The following SYNPR variants were observed in gnomAD, a reference collection of about 807,000 sequenced individuals.
SYNPR encodes the protein synaptoporin.
A neutral mutation model predicts 32.9 loss-of-function variants in SYNPR; 23 were observed. That is an observed-to-expected ratio of 0.70 (90% CI 0.50 to 0.99). The LOEUF (loss-of-function observed/expected upper bound fraction) is 0.99. SYNPR is among the 50% of genes least tolerant of loss of function. SYNPR has a pLI of 0.00. For missense variants in SYNPR, 318 were observed against 349.3 expected (o/e 0.91, Z 0.71); for synonymous variants, 146 against 135.9 (o/e 1.07, Z -0.52).
intron 2 of SYNPR, among the ~76,000 whole-genome samples, chr3:63,256,833 C>T (rs528031623): frequency 1.2e-4 from 18 of 152,138 alleles, no homozygotes; most frequent in East Asian, 7.7e-4. Context: ...AAAAATTAGA[C>T]GAATGGCTAA....
At chr3:63,535,325 A>G (rs1702183187) in intron 3 of SYNPR, among the ~76,000 whole-genome samples, 2 of 152,174 alleles carry the variant, frequency 1.3e-5, no homozygotes, top group Admixed American at 6.6e-5. Flanking sequence ...TTTTGTGGAT[A>G]GGAAAAAAGA....
intron 3 of SYNPR, among the ~76,000 whole-genome samples, chr3:63,487,699 G>A (rs935792): frequency 0.43 from 65,723 of 151,964 alleles, 14,253 homozygotes; most frequent in East Asian, 0.49. Flanking sequence ...GGTTGCCCTA[G>A]GATGTATTAA....
chr3:63,231,094 C>G (rs961682992), intron 1 of SYNPR, among the ~76,000 whole-genome samples: 1 of 152,114 alleles, frequency 6.6e-6, no homozygotes, highest in Non-Finnish European at 1.5e-5. Context: ...ATGGAACCAA[C>G]CTAAGTGCCC....
chr3:63,377,447 A>C (rs1252421081), intron 2 of SYNPR, among the ~76,000 whole-genome samples: 1 of 152,120 alleles, frequency 6.6e-6, no homozygotes, highest in Admixed American at 6.6e-5. Flanking sequence ...CAGCCTGGAA[A>C]GGTACAGTAA....
intron 2 of SYNPR, among the ~76,000 whole-genome samples, chr3:63,326,149 C>A (rs538331004): frequency 6.6e-6 from 1 of 152,056 alleles, no homozygotes; most frequent in Non-Finnish European, 1.5e-5. Context: ...CTTATTTGAT[C>A]TTCACAGCAC....
At chr3:63,520,199 A>G (rs1175180055) in intron 3 of SYNPR, among the ~76,000 whole-genome samples, 1 of 152,180 alleles carries the variant, frequency 6.6e-6, no homozygotes, top group African/African-American at 2.4e-5. Flanking sequence ...GCAAATAGGT[A>G]GCTTTTGTAT....
intron 2 of SYNPR, among the ~76,000 whole-genome samples, chr3:63,345,703 A>C (rs775561671): frequency 2.0e-5 from 3 of 152,220 alleles, no homozygotes; most frequent in Non-Finnish European, 4.4e-5. Context: ...AGGGGAAGGG[A>C]GGGAGAGAAA....
chr3:63,606,077 G>T (rs912228081), intron 4 of SYNPR, among the ~76,000 whole-genome samples: 2 of 152,160 alleles, frequency 1.3e-5, no homozygotes, highest in Non-Finnish European at 2.9e-5. Context: ...CTACAAGAGG[G>T]TTACTGTTAT....
chr3:63,522,966 G>T (rs1425564070), intron 3 of SYNPR, among the ~76,000 whole-genome samples: 1 of 152,146 alleles, frequency 6.6e-6, no homozygotes, highest in African/African-American at 2.4e-5. Context: ...CTGCAGTGAG[G>T]AAAGTGGAAT....
intron 3 of SYNPR, among the ~76,000 whole-genome samples, chr3:63,535,434 A>G (rs1275051818): frequency 6.6e-6 from 1 of 152,144 alleles, no homozygotes; most frequent in Non-Finnish European, 1.5e-5. Flanking sequence ...AGGACTACAT[A>G]CAGAAGAAAA....
chr3:63,405,258 C>T (rs1017923845), intron 2 of SYNPR, among the ~76,000 whole-genome samples: 3 of 152,098 alleles, frequency 2.0e-5, no homozygotes, highest in African/African-American at 7.2e-5. Context: ...AATAGTAAAC[C>T]ATGCAATGAG....
chr3:63,280,024 C>A (rs1029693475), intron 2 of SYNPR, among the ~76,000 whole-genome samples: 1 of 152,194 alleles, frequency 6.6e-6, no homozygotes, highest in African/African-American at 2.4e-5. Flanking sequence ...CGCATTCATT[C>A]ATTCAGCCAT....
chr3:63,319,710 A>G (rs1247597774), intron 2 of SYNPR, among the ~76,000 whole-genome samples: 1 of 152,100 alleles, frequency 6.6e-6, no homozygotes, highest in South Asian at 2.1e-4. Flanking sequence ...AAAACAATCT[A>G]CAGAGTCAAT....
intron 4 of SYNPR, among the ~76,000 whole-genome samples, chr3:63,569,471 C>T (rs1375314551): frequency 6.6e-6 from 1 of 152,168 alleles, no homozygotes; most frequent in African/African-American, 2.4e-5. Flanking sequence ...AGATAATTTT[C>T]TTCCCAGAGA....
At chr3:63,450,863 T>C (rs186779699) in intron 2 of SYNPR, among the ~76,000 whole-genome samples, 1 of 152,168 alleles carries the variant, frequency 6.6e-6, no homozygotes. Context: ...TTAAAAGGTA[T>C]CTGTAATTAT....
chr3:63,550,007 C>T (rs1469427610), intron 3 of SYNPR: 1 of 152,146 alleles, frequency 6.6e-6, no homozygotes, highest in Admixed American at 6.5e-5. Flanking sequence ...TGCTCGCCGA[C>T]TAGTTCCTCA....
intron 4 of SYNPR, among the ~76,000 whole-genome samples, chr3:63,570,327 A>G (rs1012432809): frequency 6.6e-6 from 1 of 152,172 alleles, no homozygotes; most frequent in African/African-American, 2.4e-5. Context: ...CTGTTATTTC[A>G]AATAGAGCTG....
intron 3 of SYNPR, among the ~76,000 whole-genome samples, chr3:63,486,764 A>T (rs1701163258): frequency 6.6e-6 from 1 of 152,272 alleles, no homozygotes; most frequent in East Asian, 1.9e-4. Context: ...ACAAACAAAT[A>T]GCTTGGTTGG....
chr3:63,472,069 C>T (rs778337860), intron 2 of SYNPR, among the ~76,000 whole-genome samples: 20 of 152,184 alleles, frequency 1.3e-4, no homozygotes, highest in Non-Finnish European at 2.8e-4. Context: ...ACGTGAGCTA[C>T]CACCTGCAGC....
Sources: allele counts gnomAD v4.1 joint callset (sites outside exome capture counted in the v4.1 genomes callset), GRCh38; gene constraint gnomAD v4.1.1; transcripts MANE v1.5; gene names NCBI Gene and HGNC (gene_info 2026-07-23, HGNC 2026-07-21).